Variants in MKKS observed in about 807,000 individuals in gnomAD.
MKKS encodes MKKS centrosomal shuttling protein.
A neutral mutation model predicts 33.2 loss-of-function variants in MKKS; 29 were observed. The ratio of observed to expected loss-of-function variants is 0.87; its 90% CI spans 0.65 to 1.19. The LOEUF (loss-of-function observed/expected upper bound fraction) is 1.19. Ranked by LOEUF, MKKS falls within the 50% of genes most tolerant of loss-of-function variation. The pLI, the probability that MKKS is intolerant of heterozygous loss-of-function variation, is 0.00. For synonymous variants in MKKS, 260 were observed against 244.0 expected, an observed-to-expected ratio of 1.07 and a Z score of -0.61; for missense variants, 661 against 662.3, an observed-to-expected ratio of 1.00 and a Z score of 0.02.
rs558813240 is a variant in MKKS, at chr20:10,408,761, C to T, written c.1028G>A (p.Ser343Asn). ...GCACACATCTTTCACACTTCCATAA[C>T]TATTAGGACATATTGAGCCTAGGGA... ...IGSLGSICPN[S>N]YGSVKDVCTA... is the part of the protein sequence containing the mutation. The change falls in exon 4 of 6, where the codon AGT becomes AAT. Residue 343 changes from serine to asparagine, a missense_variant. By Grantham distance (46) the Ser-to-Asn change is conservative. Transcript: ENST00000347364. The T allele has an allele frequency of 9.0e-5, 145 of 1,613,876 alleles. 2 individuals are homozygous for T. The South Asian group carries it at 1.5e-3, about 17-fold the overall frequency.
In MKKS at chr20:10,408,789, C is replaced by T. The variant is rs764926470; in HGVS notation, c.1000G>A (p.Gly334Arg). ...LTKMTGTQPI[G>R]SLGSICPNSY... is the part of the protein sequence containing the mutation. Reference sequence around the variant, plus strand: ...TTAGGACATATTGAGCCTAGGGATCCAATAGGCTGTGTTCCTATTTTTTAA... The same window carrying T: ...TTAGGACATATTGAGCCTAGGGATCTAATAGGCTGTGTTCCTATTTTTTAA... Residue 334 changes from glycine to arginine, a missense_variant, in exon 4 of 6, where the codon GGA becomes AGA. Transcript: ENST00000347364. 2.5e-6 allele frequency: 4 copies of T among 1,612,680 alleles called. No homozygotes were observed. The highest frequency in any genetic ancestry group is 8.5e-7 in the Non-Finnish European group (1 of 1,179,042).
intron 1 of MKKS, among the ~76,000 whole-genome samples, chr20:10,423,622 A>G (rs1300990553): frequency 6.6e-6 from 1 of 152,230 alleles, no homozygotes; most frequent in Non-Finnish European, 1.5e-5. Context: ...CTCTTTGAGA[A>G]GAGTGAAAAT....
In MKKS at chr20:10,402,935, ATTTAT is replaced by A. The variant is rs1451017573; in HGVS notation, c.*2307_*2311del. 6.6e-6 allele frequency: 1 copy of A among 152,204 alleles called. No individual in the cohort carries two copies. The highest frequency in any genetic ancestry group is 1.5e-5 in the Non-Finnish European group (1 of 68,038). The allele number at this position is 152,204 out of a possible 1,614,324, so 9.4% of individuals were successfully genotyped here. ...CATCCCAAATTTGACTTAAAACAAC[ATTTAT>A]TATCTCACAGATTTTGTGGGTTAGG... is the stretch of plus-strand genomic sequence containing the variant. On this transcript the variant is annotated 3_prime_UTR_variant, in exon 6 of 6. Coordinates refer to ENST00000347364, the MANE Select transcript of MKKS (RefSeq NM_170784.3).
chr20:10,416,444 T>C (rs1160403949), intron 2 of MKKS, among the ~76,000 whole-genome samples: 1 of 151,934 alleles, frequency 6.6e-6, no homozygotes, highest in Non-Finnish European at 1.5e-5. Context: ...AGGAGTCAAC[T>C]TGGAGAGGAT....
Position 10,413,316 on chromosome 20 carries a change from G to T in MKKS, c.199C>A (p.Leu67Ile). Residue 67 changes from leucine (L) to isoleucine (I), a missense_variant, in exon 3 of 6, where the codon CTT becomes ATT. Coordinates refer to ENST00000347364, the MANE Select transcript of MKKS (RefSeq NM_170784.3). ...TTTAAAATGGGATGTGTGACCAAAA[G>T]GTGACTGAGCAGAGCTGAGGACTGT... ...TSQSSALLSHLLVTHPILKIL... is the reference protein window; with the variant it reads ...TSQSSALLSHILVTHPILKIL... 1 of 1,614,186 alleles carries T rather than the reference G, an allele frequency of 6.2e-7. No individual in the cohort carries two copies. Among genetic ancestry groups the T allele is most frequent in the Non-Finnish European group, 8.5e-7 (1 of 1,180,030 alleles).
chr20:10,408,602 T>A (rs749489240), intron 4 of MKKS, 26 bp downstream of exon 4: 1 of 1,610,386 alleles, frequency 6.2e-7, no homozygotes, highest in Non-Finnish European at 8.5e-7. Flanking sequence ...AGCCTCTGCA[T>A]ATGGAATTCA....
chr20:10,413,399 G>A lies in MKKS; in HGVS notation c.116C>T (p.Pro39Leu), dbSNP rs1270369106. Residue 39 changes from proline (P) to leucine (L), a missense_variant, in exon 3 of 6, where the codon CCC (proline) becomes CTC (leucine). Physicochemically the swap from Pro to Leu is moderately conservative, Grantham distance 98 (BLOSUM62 -3). Transcript: ENST00000347364. ...LKRIVTSCYG[P>L]SGRLKQLHNG... ...GTGCAGCTGCTTCAGCCTACCTGAG[G>A]GGCCATAGCATGATGTTACAATTCT... The A allele has an allele frequency of 1.9e-6, 3 of 1,612,914 alleles. No homozygotes were observed. The highest frequency in any genetic ancestry group is 1.7e-4 in the Middle Eastern group (1 of 6,058).
intron 2 of MKKS, among the ~76,000 whole-genome samples, chr20:10,415,791 T>C (rs2064933962): frequency 6.6e-6 from 1 of 152,230 alleles, no homozygotes; most frequent in South Asian, 2.1e-4. Flanking sequence ...AAAAACAGAA[T>C]GCCATGTTGG....
Position 10,413,242 on chromosome 20 carries a change from A to G in MKKS, c.273T>C (p.Cys91=), listed in dbSNP as rs1358889476. The G allele has an allele frequency of 2.5e-6, 4 of 1,614,224 alleles. No homozygotes were observed. The African/African-American group carries it at 5.3e-5, about 22-fold the overall frequency. ...AGCAAAGAATAGCTGTGAATAAGCC[A>G]CAATCACTGAAGCTTGACACATGAT... ...IQNHVSSFSD[C]GLFTAILCCN... Residue 91 remains cysteine (C), a synonymous_variant, in exon 3 of 6, where the codon TGT becomes TGC. Transcript: ENST00000347364.
intron 4 of MKKS, among the ~76,000 whole-genome samples, chr20:10,407,927 C>T (rs2064854500): frequency 6.6e-6 from 1 of 152,166 alleles, no homozygotes; most frequent in Non-Finnish European, 1.5e-5. Context: ...ATACTTCAGT[C>T]AGAAGTTTGT....
intron 1 of MKKS, among the ~76,000 whole-genome samples, chr20:10,432,354 G>A (rs978989090): frequency 4.6e-5 from 7 of 152,208 alleles, no homozygotes; most frequent in African/African-American, 1.4e-4. Flanking sequence ...TCTCCTCAGA[G>A]TCTGATTCTC....
At chr20:10,417,384 G>A (rs2064946846) in intron 2 of MKKS, among the ~76,000 whole-genome samples, 1 of 152,210 alleles carries the variant, frequency 6.6e-6, no homozygotes, top group Non-Finnish European at 1.5e-5. Context: ...GCCAAGGCAG[G>A]AGGATTGCTT....
chr20:10,413,102 C>T lies in MKKS; in HGVS notation c.413G>A (p.Cys138Tyr), dbSNP rs753238413. The change falls in exon 3 of 6, where the codon TGT becomes TAT. Residue 138 changes from cysteine to tyrosine, a missense_variant. Transcript: ENST00000347364. The part of the protein sequence containing the change: ...ISYLKSETCG[C>Y]RIPVDFSSTQ... ...ACTACTAAAGTCCACTGGGATTCGA[C>T]AACCACAGGTCTCAGACTTGAGATA... The T allele has an allele frequency of 8.1e-6, 13 of 1,613,920 alleles. No homozygotes were observed. The South Asian group carries it at 1.4e-4, about 18-fold the overall frequency.
At chr20:10,425,312 C>G (rs577623652) in intron 1 of MKKS, among the ~76,000 whole-genome samples, 1 of 152,254 alleles carries the variant, frequency 6.6e-6, no homozygotes, top group South Asian at 2.1e-4. Flanking sequence ...TTTGACCAAT[C>G]TGTGATTGAA....
chr20:10,426,534 A>C (rs764585108), intron 1 of MKKS, among the ~76,000 whole-genome samples: 2 of 152,066 alleles, frequency 1.3e-5, no homozygotes, highest in Non-Finnish European at 2.9e-5. Flanking sequence ...CAGGTAGCTG[A>C]GATTACAGGC....
Position 10,413,286 on chromosome 20 carries a change from G to A in MKKS, c.229C>T (p.Leu77=). 1 of 1,614,230 alleles carries A rather than the reference G, an allele frequency of 6.2e-7. No individual in the cohort carries two copies. Among genetic ancestry groups the A allele is most frequent in the African/African-American group, 1.3e-5 (1 of 75,056 alleles). ...LLVTHPILKI[L]TASIQNHVSS... The stretch of plus-strand genomic sequence containing the variant: ...ACATGATTCTGTATGGAGGCTGTCA[G>A]GATCTTTAAAATGGGATGTGTGACC... The change falls in exon 3 of 6, where the codon CTG becomes TTG. Residue 77 remains leucine, a synonymous_variant. Transcript: ENST00000347364.
Position 10,412,831 on chromosome 20 carries a change from C to T in MKKS, c.684G>A (p.Met228Ile), listed in dbSNP as rs1443355789. The T allele has an allele frequency of 1.4e-5, 22 of 1,614,166 alleles. No individual in the cohort carries two copies. Among genetic ancestry groups the T allele is most frequent in the Non-Finnish European group, 1.9e-5 (22 of 1,180,016 alleles). ...ILIEMSEVQL[M>I]RLLPIKKSTA... ...TTGATTTTTTGATAGGTAATAGCCT[C>T]ATTAATTGAACTTCTGACATTTCAA... The change falls in exon 3 of 6, where the codon ATG becomes ATA. Residue 228 changes from methionine to isoleucine, a missense_variant. By Grantham distance (10) the Met-to-Ile change is conservative (BLOSUM62 1). Coordinates refer to ENST00000347364, the MANE Select transcript of MKKS (RefSeq NM_170784.3).
chr20:10,429,634 T>C (rs1488653000), intron 1 of MKKS, among the ~76,000 whole-genome samples: 2 of 152,228 alleles, frequency 1.3e-5, no homozygotes. Flanking sequence ...TTCAGAAATC[T>C]GGATATACTG....
chr20:10,402,469 A>G lies in MKKS; in HGVS notation c.*2778T>C, dbSNP rs932449345. The G allele has an allele frequency of 2.6e-5, 4 of 152,298 alleles. No homozygotes were observed. Among genetic ancestry groups the G allele is most frequent in the African/African-American group, 9.6e-5 (4 of 41,562 alleles). The allele number at this position is 152,298 out of a possible 1,614,324, so 9.4% of individuals were successfully genotyped here. A position where few individuals can be genotyped will look rare whatever the true frequency, so the allele number is the denominator to read the frequency against. On this transcript the variant is annotated 3_prime_UTR_variant, in exon 6 of 6. Transcript: ENST00000347364. Reference sequence around the variant, plus strand: ...GGATTATTATAACTTTAGGAAACATAGAGGTATTTGTAAATATATTTTAAC... The same window carrying G: ...GGATTATTATAACTTTAGGAAACATGGAGGTATTTGTAAATATATTTTAAC...
Sources: gnomAD v4.1 joint callset for allele counts (sites outside exome capture counted in the v4.1 genomes callset) on GRCh38, gnomAD v4.1.1 for gene constraint, MANE v1.5 for transcripts, NCBI Gene and HGNC (gene_info 2026-07-23, HGNC 2026-07-21) for gene names.